The following DAB1 variants were observed in gnomAD, a reference collection of about 807,000 sequenced individuals.
DAB1 encodes disabled homolog 1.
A neutral mutation model predicts 64.6 loss-of-function variants in DAB1; 15 were observed. The observed-to-expected ratio is 0.23, with a 90% confidence interval of 0.16 to 0.36. The LOEUF (loss-of-function observed/expected upper bound fraction) is 0.36, where lower values mean the gene tolerates loss of function less well. Among genes scored for constraint, DAB1 ranks in the 10% least tolerant of loss-of-function variants. The pLI, the probability that DAB1 is intolerant of heterozygous loss-of-function variation, is 1.00. For synonymous variants in DAB1, 235 were observed against 251.9 expected (o/e 0.93, Z 0.64); for missense variants, 596 against 706.7 (o/e 0.84, Z 1.78).
At chr1:58,335,606 C>CA (rs34761379) in intron 4 of DAB1, among the ~76,000 whole-genome samples, 59,291 of 151,488 alleles carry the variant, frequency 0.39, 11,791 homozygotes, top group Admixed American at 0.49. Flanking sequence ...AGGGTGGAAA[C>CA]GGGGGATAAC....
chr1:57,521,220 G>A (rs6689292), intron 7 of DAB1, among the ~76,000 whole-genome samples: 27,876 of 152,106 alleles, frequency 0.18, 2,855 homozygotes, highest in Non-Finnish European at 0.24. Context: ...TTCAGTTCTC[G>A]AAATGTCTAA....
intron 1 of DAB1, among the ~76,000 whole-genome samples, chr1:58,535,290 T>C (rs1391761502): frequency 1.3e-5 from 2 of 152,146 alleles, no homozygotes; most frequent in Non-Finnish European, 1.5e-5. Context: ...TCATAAAGTG[T>C]ATGCTTTTTT....
At chr1:58,132,469 ATCTT>A (rs1653676669) in intron 5 of DAB1, among the ~76,000 whole-genome samples, 1 of 152,156 alleles carries the variant, frequency 6.6e-6, no homozygotes, top group South Asian at 2.1e-4. Context: ...CTATTCGGCC[ATCTT>A]GGCTCCTCCC....
chr1:57,974,821 T>C (rs1480195821), intron 5 of DAB1, among the ~76,000 whole-genome samples: 1 of 152,176 alleles, frequency 6.6e-6, no homozygotes, highest in East Asian at 1.9e-4. Flanking sequence ...TACATGATTA[T>C]TATCCATAAT....
At chr1:57,116,029 A>G (rs995960468) in intron 4 of DAB1, among the ~76,000 whole-genome samples, 7 of 152,102 alleles carry the variant, frequency 4.6e-5, no homozygotes, top group African/African-American at 9.7e-5. Flanking sequence ...TGTCCCTACT[A>G]TCTATGGTCT....
chr1:57,137,634 G>T (rs986246512), intron 3 of DAB1, among the ~76,000 whole-genome samples: 1 of 152,166 alleles, frequency 6.6e-6, no homozygotes, highest in Non-Finnish European at 1.5e-5. Context: ...TTCCAGCCTG[G>T]CAGAGGCTCA....
intron 6 of DAB1, among the ~76,000 whole-genome samples, chr1:57,797,756 TTATCC>T (rs1235732086): frequency 6.6e-6 from 1 of 152,234 alleles, no homozygotes; most frequent in African/African-American, 2.4e-5. Context: ...GACTGGTTAC[TTATCC>T]TATGTGGTTC....
At chr1:57,105,383 T>G (rs1001927087) in intron 4 of DAB1, among the ~76,000 whole-genome samples, 1 of 150,566 alleles carries the variant, frequency 6.6e-6, no homozygotes, top group Non-Finnish European at 1.5e-5. Flanking sequence ...TCCCAGTGTG[T>G]GGTGTGTGTG....
upstream of DAB1, among the ~76,000 whole-genome samples, chr1:57,424,891 C>G (rs1361700414): frequency 6.6e-6 from 1 of 152,232 alleles, no homozygotes; most frequent in Non-Finnish European, 1.5e-5. Context: ...CCCCGCGACT[C>G]CCCTACTCGG....
At chr1:57,593,804 A>ATATGTGGC (rs1645474054) in intron 7 of DAB1, among the ~76,000 whole-genome samples, 1 of 152,240 alleles carries the variant, frequency 6.6e-6, no homozygotes. Flanking sequence ...ATAGCGACAC[A>ATATGTGGC]TATGTGGCAC....
chr1:57,722,159 A>C lies in DAB1; in HGVS notation n.552-72494T>G, dbSNP rs533142754. On this transcript the variant is annotated intron_variant and non_coding_transcript_variant, in intron 6 of 20. Transcript: ENST00000485760. ...GCACAACATCCAGAAAGCAGGGAGCAATTCACACTTTATGTAAAGCAATTC... is the reference window on the plus strand; with the variant it reads ...GCACAACATCCAGAAAGCAGGGAGCCATTCACACTTTATGTAAAGCAATTC... Among the ~76,000 whole-genome samples, 7 of 151,646 alleles carry C rather than the reference A, an allele frequency of 4.6e-5. No individual in the cohort carries two copies. The South Asian group carries it at 1.5e-3, about 31-fold the overall frequency.
rs547024939 is a variant in DAB1 at position 58,411,435 on chromosome 1, C to T, written n.258-68032G>A. ...TTTATACATAGAAGCCAGTGATATA[C>T]GCAAGTAAACAGACATCTACAATGC... On this transcript the variant is annotated intron_variant and non_coding_transcript_variant, in intron 3 of 20. Transcript: ENST00000485760. 1.6e-4 allele frequency among the ~76,000 whole-genome samples: 25 copies of T among 152,242 alleles called. No homozygotes were observed. In the East Asian group the frequency reaches 2.9e-3, roughly 18 times the overall value.
chr1:58,039,478 G>A (rs1342529036), intron 5 of DAB1, among the ~76,000 whole-genome samples: 2 of 152,220 alleles, frequency 1.3e-5, no homozygotes, highest in Non-Finnish European at 1.5e-5. Flanking sequence ...TGGGGTCTGT[G>A]AGTGTAACAA....
At chr1:57,720,997 C>G (rs544693068) in intron 6 of DAB1, among the ~76,000 whole-genome samples, 65 of 152,310 alleles carry the variant, frequency 4.3e-4, no homozygotes, top group Non-Finnish European at 8.8e-4. Flanking sequence ...AGATAGGCAT[C>G]TGCAAATTGC....
chr1:57,580,085 G>A (rs943236293), intron 7 of DAB1, among the ~76,000 whole-genome samples: 3 of 152,168 alleles, frequency 2.0e-5, no homozygotes, highest in Non-Finnish European at 2.9e-5. Context: ...GTAGCACAGC[G>A]GCTGTCCCTA....
intron 3 of DAB1, among the ~76,000 whole-genome samples, chr1:58,482,330 A>G (rs935509649): frequency 1.3e-5 from 2 of 152,214 alleles, no homozygotes; most frequent in African/African-American, 2.4e-5. Flanking sequence ...GAATCGTCCA[A>G]TAGAATTGGA....
intron 4 of DAB1, among the ~76,000 whole-genome samples, chr1:58,275,179 C>T (rs1296253891): frequency 6.6e-6 from 1 of 152,060 alleles, no homozygotes; most frequent in Non-Finnish European, 1.5e-5. Context: ...TAAAAATTAA[C>T]ACAAAATGAA....
chr1:57,192,782 A>AT (rs1186851534), intron 2 of DAB1, among the ~76,000 whole-genome samples: 1 of 152,106 alleles, frequency 6.6e-6, no homozygotes, highest in African/African-American at 2.4e-5. Context: ...TATTATGTGT[A>AT]TTTTTTTAAT....
At chr1:58,471,444 T>C (rs1028092284) in intron 3 of DAB1, among the ~76,000 whole-genome samples, 5 of 152,142 alleles carry the variant, frequency 3.3e-5, no homozygotes, top group African/African-American at 9.7e-5. Context: ...CATTACATAA[T>C]TGACTTAGAC....
Sources: gnomAD v4.1 joint callset for allele counts (sites outside exome capture counted in the v4.1 genomes callset) on GRCh38, gnomAD v4.1.1 for gene constraint, MANE v1.5 for transcripts, NCBI Gene and HGNC (gene_info 2026-07-23, HGNC 2026-07-21) for gene names.